Variants in VCAN observed in about 807,000 individuals in gnomAD.
VCAN encodes the protein versican.
Under a neutral mutation model 245.5 loss-of-function variants are expected in VCAN, and 44 were observed. The observed-to-expected ratio is 0.18, with a 90% CI of 0.14 to 0.23. The LOEUF is 0.23. Among genes scored for constraint, VCAN ranks in the 10% least tolerant of loss-of-function variants. The pLI is 1.00. For missense variants in VCAN, 3,793 were observed against 4,057.9 expected (o/e 0.93, Z 1.77); for synonymous variants, 1,413 against 1,437.0 (o/e 0.98, Z 0.38).
intron 7 of VCAN, 183 bp from the exon 8 acceptor site, chr5:83,536,824 T>C: frequency 1.9e-6 from 1 of 520,334 alleles, no homozygotes; most frequent in Non-Finnish European, 3.3e-6. Context: ...ATTTTTCTTA[T>C]TGTTAATACA....
Position 83,541,336 on chromosome 5 carries a change from C to T in VCAN, c.8333C>T (p.Pro2778Leu), listed in dbSNP as rs749456848. The change falls in exon 8 of 15, where the codon CCC (proline) becomes CTC (leucine). Residue 2778 changes from proline (P) to leucine (L), a missense_variant. Pro to Leu is a moderately conservative substitution (Grantham distance 98). Transcript: ENST00000265077. ...GAGGAGGCATTAGTAGACCATACTC[C>T]CTATCTAAGTATTGCTACTACCCAC... ...GAEEALVDHT[P>L]YLSIATTHLM... 6.2e-7 allele frequency: 1 copy of T among 1,614,042 alleles called. No homozygotes were observed. Among genetic ancestry groups the T allele is most frequent in the Non-Finnish European group, 8.5e-7 (1 of 1,179,992 alleles).
At chr5:83,534,264 C>T (rs1333953046) in intron 7 of VCAN, 1 of 152,002 alleles carries the variant, frequency 6.6e-6, no homozygotes, top group African/African-American at 2.4e-5. Context: ...TCAAGTAAAT[C>T]TATAATAGCA....
At chr5:83,495,215 C>T (rs1745120117) in intron 5 of VCAN, among the ~76,000 whole-genome samples, 1 of 152,110 alleles carries the variant, frequency 6.6e-6, no homozygotes. Context: ...TCTCTTTCAA[C>T]ATTAAAATTC....
chr5:83,553,190 C>A (rs1245163505), intron 10 of VCAN, among the ~76,000 whole-genome samples, 174 bp from the exon 11 acceptor site: 2 of 152,204 alleles, frequency 1.3e-5, no homozygotes, highest in Non-Finnish European at 2.9e-5. Context: ...TGGCACGAAT[C>A]AGTTGGGCTC....
intron 13 of VCAN, among the ~76,000 whole-genome samples, chr5:83,578,151 A>G (rs140041865): frequency 1.1e-3 from 163 of 152,288 alleles, no homozygotes; most frequent in Middle Eastern, 3.4e-3. Flanking sequence ...CGATGCAGCC[A>G]TAAAAAGGAA....
chr5:83,493,951 A>G lies in VCAN; in HGVS notation c.748+20A>G, dbSNP rs932270842. 34 of 1,613,794 alleles carry G rather than the reference A, an allele frequency of 2.1e-5. No individual in the cohort carries two copies. The highest frequency in any genetic ancestry group is 2.6e-5 in the Non-Finnish European group (31 of 1,179,884). ...TGGATGGTAAGATGTTTGAGTTTCTATATCTTCGTATGAACTGAGAAAACT... is the reference window on the plus strand; with the variant it reads ...TGGATGGTAAGATGTTTGAGTTTCTGTATCTTCGTATGAACTGAGAAAACT... On this transcript the variant is annotated intron_variant, in intron 5 of 14. Transcript: ENST00000265077.
At chr5:83,522,563 A>G (rs1177246037) in intron 7 of VCAN, among the ~76,000 whole-genome samples, 1 of 152,248 alleles carries the variant, frequency 6.6e-6, no homozygotes, top group African/African-American at 2.4e-5. Flanking sequence ...TAACCAAATC[A>G]TCACTGTTAC....
chr5:83,482,134 G>C (rs1256085764), intron 1 of VCAN, among the ~76,000 whole-genome samples: 1 of 152,174 alleles, frequency 6.6e-6, no homozygotes, highest in Non-Finnish European at 1.5e-5. Flanking sequence ...TAATCCTTAA[G>C]GACTTACGCC....
At chr5:83,563,764 G>C (rs1039142605) in intron 12 of VCAN, among the ~76,000 whole-genome samples, 1 of 152,106 alleles carries the variant, frequency 6.6e-6, no homozygotes, top group East Asian at 1.9e-4. Context: ...AAAGAAGTCA[G>C]CTCTTACTGC....
chr5:83,476,734 G>A (rs1245072083), intron 1 of VCAN, among the ~76,000 whole-genome samples: 2 of 152,046 alleles, frequency 1.3e-5, no homozygotes, highest in African/African-American at 4.8e-5. Flanking sequence ...ACACTGCTAA[G>A]TTCTTACCAT....
chr5:83,538,338 C>T lies in VCAN; in HGVS notation c.5335C>T (p.Pro1779Ser). ...TRKSFMSLTT[P>S]TQSEREMTDS... Reference sequence around the variant, plus strand: ...GAAAAGTTTTATGTCCTTGACAACACCAACACAGTCTGAAAGGGAAATGAC... The same window carrying T: ...GAAAAGTTTTATGTCCTTGACAACATCAACACAGTCTGAAAGGGAAATGAC... Residue 1779 changes from proline to serine, a missense_variant, in exon 8 of 15, where the codon CCA (proline) becomes TCA (serine). Physicochemically the swap from Pro to Ser is moderately conservative, Grantham distance 74 (BLOSUM62 -1). Coordinates refer to ENST00000265077, the MANE Select transcript of VCAN (RefSeq NM_004385.5). The T allele has an allele frequency of 1.2e-6, 2 of 1,614,004 alleles. No homozygotes were observed. Among genetic ancestry groups the T allele is most frequent in the South Asian group, 1.1e-5 (1 of 91,086 alleles).
intron 7 of VCAN, among the ~76,000 whole-genome samples, chr5:83,530,899 T>C (rs1316711065): frequency 6.6e-6 from 1 of 152,114 alleles, no homozygotes; most frequent in Non-Finnish European, 1.5e-5. Context: ...GAGAGCTCAT[T>C]TGATTACATT....
chr5:83,513,823 A>G (rs1745750629), intron 6 of VCAN, among the ~76,000 whole-genome samples: 1 of 152,234 alleles, frequency 6.6e-6, no homozygotes, highest in Non-Finnish European at 1.5e-5. Flanking sequence ...TGACTGATAT[A>G]ATTAAGGAGC....
chr5:83,561,555 C>CTTCACCAGTTGATTCGAG (rs1438602340), intron 12 of VCAN, among the ~76,000 whole-genome samples: 12 of 152,226 alleles, frequency 7.9e-5, no homozygotes, highest in African/African-American at 2.9e-4. Flanking sequence ...ACTTGTCCCC[C>CTTCACCAGTTGATTCGAG]TTCACCAGTT....
rs1051048534 is a variant in VCAN at position 83,582,128 on chromosome 5, T to C, written c.*1694T>C. ...AACAACACTGTGTTGATCTAGTAGG[T>C]TTCTATTTTTCCTTTCTCTTTACAA... On this transcript the variant is annotated 3_prime_UTR_variant, in exon 15 of 15. Transcript: ENST00000265077. The C allele has an allele frequency of 5.9e-5, 9 of 152,128 alleles. No homozygotes were observed. The highest frequency in any genetic ancestry group is 1.0e-4 in the Non-Finnish European group (7 of 68,014). 9.4% of individuals were successfully genotyped at this position (152,128 alleles called of 1,614,324 possible). A position where few individuals can be genotyped will look rare whatever the true frequency, so the allele number is the denominator to read the frequency against.
At chr5:83,510,382 A>T (rs1745614664) in intron 5 of VCAN, among the ~76,000 whole-genome samples, 1 of 152,206 alleles carries the variant, frequency 6.6e-6, no homozygotes, top group Non-Finnish European at 1.5e-5. Context: ...TATTCATTTT[A>T]AACAATTGCT....
At chr5:83,498,758 G>C (rs184006037) in intron 5 of VCAN, among the ~76,000 whole-genome samples, 23 of 152,202 alleles carry the variant, frequency 1.5e-4, no homozygotes, top group Admixed American at 1.0e-3. Context: ...AATCACTTTT[G>C]AGTTTCATTT....
intron 2 of VCAN, among the ~76,000 whole-genome samples, chr5:83,489,823 T>TA (rs1554036679): frequency 3.4e-5 from 5 of 148,034 alleles, no homozygotes; most frequent in Non-Finnish European, 7.5e-5. Flanking sequence ...TTTTTTTTTT[T>TA]ATCACTTATT....
intron 2 of VCAN, among the ~76,000 whole-genome samples, chr5:83,484,708 C>G (rs146965173): frequency 6.6e-6 from 1 of 152,206 alleles, no homozygotes; most frequent in Non-Finnish European, 1.5e-5. Context: ...ACTTACTTCT[C>G]TAGTTATGGG....
Sources: allele counts gnomAD v4.1 joint callset (sites outside exome capture counted in the v4.1 genomes callset), GRCh38; gene constraint gnomAD v4.1.1; transcripts MANE v1.5; gene names NCBI Gene and HGNC (gene_info 2026-07-23, HGNC 2026-07-21).